SSBP3: variants seen among roughly 807,000 people sequenced by gnomAD.
SSBP3 encodes the protein single stranded DNA binding protein 3, also known as single-stranded DNA-binding protein 3.
In SSBP3, 5 loss-of-function variants were observed where a neutral mutation model predicts 69.6. The ratio of observed to expected loss-of-function variants is 0.07; its 90% CI spans 0.04 to 0.15. The LOEUF (loss-of-function observed/expected upper bound fraction) is 0.15, where lower values mean the gene tolerates loss of function less well. Among genes scored for constraint, SSBP3 ranks in the 10% least tolerant of loss-of-function variants. The pLI is 1.00. For missense variants in SSBP3, 312 were observed against 534.0 expected (o/e 0.58, Z 4.10); for synonymous variants, 196 against 193.4 (o/e 1.01, Z -0.11).
At chr1:54,243,956 G>A (rs972691818) in intron 9 of SSBP3, among the ~76,000 whole-genome samples, 2 of 152,098 alleles carry the variant, frequency 1.3e-5, no homozygotes, top group African/African-American at 2.4e-5. Flanking sequence ...TTGAGATAGC[G>A]TCTTGCTCTG....
intron 5 of SSBP3, among the ~76,000 whole-genome samples, chr1:54,264,305 C>T (rs949943278): frequency 5.3e-5 from 8 of 152,090 alleles, no homozygotes; most frequent in Admixed American, 2.0e-4. Flanking sequence ...CCTAAAAAAA[C>T]GAAACAAAAC....
At chr1:54,317,438 G>C (rs1646132949) in intron 4 of SSBP3, among the ~76,000 whole-genome samples, 1 of 152,078 alleles carries the variant, frequency 6.6e-6, no homozygotes, top group South Asian at 2.1e-4. Context: ...TGGGGAGGCT[G>C]AGGTGGGAGG....
At chr1:54,282,041 AAATAATAATAAT>A (rs61443250) in intron 4 of SSBP3, among the ~76,000 whole-genome samples, 4 of 142,902 alleles carry the variant, frequency 2.8e-5, no homozygotes, top group African/African-American at 8.2e-5. Flanking sequence ...GCCCTATCTC[AAATAATAATAAT>A]AATAATAATA....
intron 4 of SSBP3, among the ~76,000 whole-genome samples, chr1:54,312,444 CG>C (rs1324673774): frequency 2.6e-5 from 4 of 151,770 alleles, no homozygotes; most frequent in African/African-American, 9.7e-5. Flanking sequence ...ATAAATTAGC[CG>C]GGTGTGGTGG....
At chr1:54,244,956 T>G (rs780940723) in intron 9 of SSBP3, among the ~76,000 whole-genome samples, 8 of 152,158 alleles carry the variant, frequency 5.3e-5, no homozygotes, top group Non-Finnish European at 1.0e-4. Flanking sequence ...GGACTCCAAG[T>G]GCCCTTTGAA....
At chr1:54,261,995 A>C (rs1349208338) in intron 5 of SSBP3, among the ~76,000 whole-genome samples, 1 of 152,218 alleles carries the variant, frequency 6.6e-6, no homozygotes, top group Non-Finnish European at 1.5e-5. Flanking sequence ...ACTAGTTGGC[A>C]TCTGAACCAC....
chr1:54,248,360 T>C (rs1162670265), intron 9 of SSBP3, among the ~76,000 whole-genome samples: 1 of 152,202 alleles, frequency 6.6e-6, no homozygotes, highest in African/African-American at 2.4e-5. Context: ...CAGGACACCA[T>C]GTGGGGACTT....
chr1:54,256,183 T>C (rs1384115235), intron 7 of SSBP3, among the ~76,000 whole-genome samples: 2 of 149,284 alleles, frequency 1.3e-5, no homozygotes, highest in Non-Finnish European at 3.0e-5. Flanking sequence ...ATGAAAAGCA[T>C]CACACTCAGA....
At chr1:54,250,062 A>G (rs623655) in intron 9 of SSBP3, among the ~76,000 whole-genome samples, 1 of 152,076 alleles carries the variant, frequency 6.6e-6, no homozygotes, top group African/African-American at 2.4e-5. Context: ...TATCTGACTC[A>G]GGAGAGGGGA....
intron 4 of SSBP3, among the ~76,000 whole-genome samples, chr1:54,323,160 T>G (rs933078157): frequency 1.3e-5 from 2 of 152,098 alleles, no homozygotes; most frequent in Non-Finnish European, 2.9e-5. Context: ...GGACAGCCCT[T>G]AAGCAAGTCA....
intron 4 of SSBP3, among the ~76,000 whole-genome samples, chr1:54,348,005 A>T (rs1318928604): frequency 6.6e-6 from 1 of 152,030 alleles, no homozygotes; most frequent in Admixed American, 6.6e-5. Flanking sequence ...CCACCCAATC[A>T]CCCACCCCTT....
chr1:54,376,943 CCT>C (rs1183341980), intron 4 of SSBP3, among the ~76,000 whole-genome samples: 1 of 152,116 alleles, frequency 6.6e-6, no homozygotes, highest in Non-Finnish European at 1.5e-5. Context: ...GAGCCTGGCC[CCT>C]CTGTTACAAG....
intron 4 of SSBP3, among the ~76,000 whole-genome samples, chr1:54,330,995 T>C (rs919992615): frequency 2.6e-5 from 4 of 152,234 alleles, no homozygotes; most frequent in East Asian, 1.9e-4. Context: ...AAATGGCTTA[T>C]TACATTTTGT....
chr1:54,298,994 A>G (rs988017514), intron 4 of SSBP3, among the ~76,000 whole-genome samples: 1 of 143,914 alleles, frequency 6.9e-6, no homozygotes, highest in East Asian at 2.2e-4. Flanking sequence ...TGAGCTGAGG[A>G]TAGGCATGGA....
chr1:54,342,371 C>G (rs901491984), intron 4 of SSBP3, among the ~76,000 whole-genome samples: 4 of 152,218 alleles, frequency 2.6e-5, no homozygotes, highest in African/African-American at 4.8e-5. Context: ...AATGTGTGGC[C>G]CTCCCTCCCT....
At chr1:54,257,952 A>G in intron 6 of SSBP3, 117 bp downstream of exon 6, 1 of 960,118 alleles carries the variant, frequency 1.0e-6, no homozygotes, top group Non-Finnish European at 1.5e-6. Context: ...TAATTTGTCA[A>G]TAAAGACTCG....
At chr1:54,335,343 G>A (rs1024107510) in intron 4 of SSBP3, among the ~76,000 whole-genome samples, 1 of 152,184 alleles carries the variant, frequency 6.6e-6, no homozygotes, top group Non-Finnish European at 1.5e-5. Context: ...AATGTTTCTA[G>A]GATGGGGACT....
intron 5 of SSBP3, among the ~76,000 whole-genome samples, chr1:54,281,035 A>G (rs1181550822): frequency 2.0e-5 from 3 of 152,234 alleles, no homozygotes; most frequent in African/African-American, 7.2e-5. Flanking sequence ...AAAGTAAACA[A>G]TGACAAAAGC....
chr1:54,378,313 A>C (rs539475543), intron 4 of SSBP3, among the ~76,000 whole-genome samples: 1 of 152,296 alleles, frequency 6.6e-6, no homozygotes, highest in South Asian at 2.1e-4. Flanking sequence ...GGATTAAGAC[A>C]ATCATGTAAC....
Sources: allele counts gnomAD v4.1 joint callset (sites outside exome capture counted in the v4.1 genomes callset), GRCh38; gene constraint gnomAD v4.1.1; transcripts MANE v1.5; gene names NCBI Gene and HGNC (gene_info 2026-07-23, HGNC 2026-07-21).